The following RYK variants were observed in gnomAD, a reference collection of about 807,000 sequenced individuals.
RYK encodes the protein inactive tyrosine-protein kinase RYK.
A neutral mutation model predicts 70.2 loss-of-function variants in RYK; 21 were observed. That is an observed-to-expected ratio of 0.30 (90% confidence interval 0.21 to 0.43). The LOEUF is 0.43. Among genes scored for constraint, RYK ranks in the 20% least tolerant of loss-of-function variants. RYK has a pLI of 1.00. For missense variants in RYK, 604 were observed against 753.3 expected (o/e 0.80, Z 2.32); for synonymous variants, 267 against 278.0 (o/e 0.96, Z 0.39).
intron 2 of RYK, among the ~76,000 whole-genome samples, chr3:134,220,534 CAAAGTTTT>C (rs1383364866): frequency 6.6e-6 from 1 of 152,132 alleles, no homozygotes; most frequent in Non-Finnish European, 1.5e-5. Flanking sequence ...CAGTATCTTT[CAAAGTTTT>C]AAAGACACAC....
chr3:134,183,207 T>C (rs1342223581), intron 9 of RYK, 136 bp from the exon 10 acceptor site: 1 of 445,514 alleles, frequency 2.2e-6, no homozygotes, highest in Non-Finnish European at 3.9e-6. Flanking sequence ...TAAATCTAAA[T>C]AGATCTAGAT....
chr3:134,242,493 A>G (rs1176144570), intron 1 of RYK, among the ~76,000 whole-genome samples: 1 of 152,236 alleles, frequency 6.6e-6, no homozygotes, highest in Non-Finnish European at 1.5e-5. Flanking sequence ...ATTAGAAAAT[A>G]TTGCACTTGA....
At chr3:134,194,949 A>C in intron 7 of RYK, 133 bp downstream of exon 7, 1 of 615,458 alleles carries the variant, frequency 1.6e-6, no homozygotes, top group Non-Finnish European at 2.9e-6. Flanking sequence ...AAAGTTGAAG[A>C]GCATACCTAA....
intron 5 of RYK, among the ~76,000 whole-genome samples, 182 bp downstream of exon 5, chr3:134,207,290 A>G (rs995161342): frequency 2.6e-5 from 4 of 152,178 alleles, no homozygotes; most frequent in African/African-American, 9.7e-5. Flanking sequence ...AGTTCTCAAA[A>G]TATTCAATAT....
intron 13 of RYK, among the ~76,000 whole-genome samples, chr3:134,175,406 A>C (rs1401763452): frequency 6.6e-6 from 1 of 152,154 alleles, no homozygotes; most frequent in African/African-American, 2.4e-5. Flanking sequence ...ATGAGATTAC[A>C]AACAGTGCTG....
At chr3:134,233,189 A>G (rs1378170802) in intron 1 of RYK, among the ~76,000 whole-genome samples, 4 of 152,230 alleles carry the variant, frequency 2.6e-5, no homozygotes, top group African/African-American at 9.6e-5. Context: ...TGCCCAAGTG[A>G]TCTCACAAGG....
chr3:134,250,348 G>A (rs2015581121), intron 1 of RYK, 75 bp downstream of exon 1: 4 of 961,354 alleles, frequency 4.2e-6, no homozygotes, highest in Admixed American at 8.6e-5. Context: ...ACGGCTCGCA[G>A]ACTGATCCGC....
Position 134,249,917 on chromosome 3 carries a change from G to GTTTTTTTTTTT in RYK, c.232+495_232+505dup, listed in dbSNP as rs71624038. Among the ~76,000 whole-genome samples, 45 of 93,338 alleles carry GTTTTTTTTTTT rather than the reference G, an allele frequency of 4.8e-4. 7 individuals carry two copies. The highest frequency in any genetic ancestry group is 2.1e-3 in the African/African-American group (40 of 18,904). The allele number at this position is 93,338 out of a possible 152,430, so 61.2% of individuals were successfully genotyped here. ...TATAACCTCCCCTTCTTTCTCTCTC[G>GTTTTTTTTTTT]TTTTTTTTTTTTTTTTTTTTTTTTT... is the stretch of plus-strand genomic sequence containing the variant. On this transcript the variant is annotated intron_variant, in intron 1 of 14. Coordinates refer to ENST00000623711, the MANE Select transcript of RYK (RefSeq NM_002958.4).
At chr3:134,178,293 G>GA (rs2013176893) in intron 10 of RYK, 1 of 395,708 alleles carries the variant, frequency 2.5e-6, no homozygotes, top group African/African-American at 2.1e-5. Context: ...TCTTGGTAGG[G>GA]AAAAATCATA....
intron 10 of RYK, among the ~76,000 whole-genome samples, 168 bp downstream of exon 10, chr3:134,182,834 G>T (rs1466692913): frequency 2.6e-5 from 4 of 152,232 alleles, no homozygotes; most frequent in Admixed American, 2.0e-4. Flanking sequence ...TACTGTGTTT[G>T]TAAGTTTTGT....
intron 13 of RYK, among the ~76,000 whole-genome samples, chr3:134,174,262 G>T (rs2013022789): frequency 6.6e-6 from 1 of 152,124 alleles, no homozygotes; most frequent in Non-Finnish European, 1.5e-5. Flanking sequence ...CCTCAGAAGT[G>T]AACCACGAGA....
At chr3:134,197,855 T>C (rs540739648) in intron 6 of RYK, among the ~76,000 whole-genome samples, 1 of 152,340 alleles carries the variant, frequency 6.6e-6, no homozygotes, top group African/African-American at 2.4e-5. Context: ...AACTTAACAG[T>C]AGGTGGCACT....
At chr3:134,189,890 C>G (rs2013593023) in intron 8 of RYK, among the ~76,000 whole-genome samples, 1 of 151,924 alleles carries the variant, frequency 6.6e-6, no homozygotes, top group Non-Finnish European at 1.5e-5. Flanking sequence ...AACTCCCAAA[C>G]AAGATGATCA....
At chr3:134,162,755 G>A (rs983921680) in intron 13 of RYK, among the ~76,000 whole-genome samples, 8 of 150,928 alleles carry the variant, frequency 5.3e-5, no homozygotes, top group South Asian at 2.2e-4. Flanking sequence ...TTTTAAAATC[G>A]TGTCCAATTT....
chr3:134,219,571 T>C (rs2014674904), intron 2 of RYK, among the ~76,000 whole-genome samples: 1 of 152,254 alleles, frequency 6.6e-6, no homozygotes, highest in African/African-American at 2.4e-5. Flanking sequence ...GAAATACATT[T>C]ATTATTTGTT....
Position 134,175,960 on chromosome 3 carries a change from A to G in RYK, c.1385T>C (p.Ile462Thr). The G allele has an allele frequency of 6.2e-7, 1 of 1,609,598 alleles. No homozygotes were observed. Among genetic ancestry groups the G allele is most frequent in the Admixed American group, 1.7e-5 (1 of 59,570 alleles). The change falls in exon 12 of 15, where the codon ATC (isoleucine) becomes ACC (threonine). Residue 462 changes from isoleucine (I) to threonine (T), a missense_variant. Ile to Thr is a moderately conservative substitution (Grantham distance 89). Coordinates refer to ENST00000623711, the MANE Select transcript of RYK (RefSeq NM_002958.4). ...GMSYLARREV[I>T]HKDLAARNCV... Reference sequence around the variant, plus strand: ...GTTCCTGGCAGCCAGGTCTTTGTGGATGACTTCCCTTCTGGCCAGGTAGCT... The same window carrying G: ...GTTCCTGGCAGCCAGGTCTTTGTGGGTGACTTCCCTTCTGGCCAGGTAGCT...
intron 5 of RYK, among the ~76,000 whole-genome samples, chr3:134,204,793 G>T (rs112619811): frequency 8.5e-4 from 130 of 152,242 alleles, no homozygotes; most frequent in African/African-American, 3.0e-3. Context: ...AGGCATTTGG[G>T]GTTTATCCTA....
intron 2 of RYK, among the ~76,000 whole-genome samples, chr3:134,217,423 C>T (rs1381243606): frequency 2.0e-5 from 3 of 152,176 alleles, no homozygotes; most frequent in Non-Finnish European, 4.4e-5. Context: ...CTTCCTCTAA[C>T]CCTACTTCTC....
chr3:134,187,155 G>A (rs1483446611), intron 9 of RYK, among the ~76,000 whole-genome samples: 2 of 152,152 alleles, frequency 1.3e-5, no homozygotes, highest in African/African-American at 4.8e-5. Context: ...AAATATTAAA[G>A]AGGTGTGTGT....
Sources: allele counts gnomAD v4.1 joint callset (sites outside exome capture counted in the v4.1 genomes callset), GRCh38; gene constraint gnomAD v4.1.1; transcripts MANE v1.5; gene names NCBI Gene and HGNC (gene_info 2026-07-23, HGNC 2026-07-21).